The following CEP83 variants were observed in gnomAD, a reference collection of about 807,000 sequenced individuals.
CEP83 encodes centrosomal protein 83.
CEP83 carries 70 observed loss-of-function variants against 101.9 expected under a neutral mutation model. The ratio of observed to expected loss-of-function variants is 0.69; its 90% CI spans 0.57 to 0.84. CEP83 has a LOEUF of 0.84. CEP83 is among the 40% of genes least tolerant of loss of function. The pLI is 0.00. For synonymous variants in CEP83, 264 were observed against 267.9 expected, an observed-to-expected ratio of 0.99 and a Z score of 0.14; for missense variants, 715 against 787.2, an observed-to-expected ratio of 0.91 and a Z score of 1.10.
chr12:94,360,766 T>C (rs933145280), intron 11 of CEP83, among the ~76,000 whole-genome samples: 1 of 151,998 alleles, frequency 6.6e-6, no homozygotes, highest in Non-Finnish European at 1.5e-5. Context: ...AAAATTTGCA[T>C]GGAGTCACAA....
Position 94,456,264 on chromosome 12 carries a change from T to C in CEP83, c.-155+3293A>G, listed in dbSNP as rs576417728. Among the ~76,000 whole-genome samples the C allele has an allele frequency of 3.3e-5, 5 of 152,302 alleles. No individual in the cohort carries two copies. In the South Asian group the frequency reaches 1.0e-3, roughly 32 times the overall value. The stretch of plus-strand genomic sequence containing the variant: ...GGTATTGCCATGGGAAATTCTCAAA[T>C]ACTCACTTTCTAGGAACAGAATCTT... On this transcript the variant is annotated intron_variant, in intron 1 of 16. Coordinates refer to ENST00000397809, the MANE Select transcript of CEP83 (RefSeq NM_016122.3).
chr12:94,430,166 C>G (rs1380839898), intron 2 of CEP83, among the ~76,000 whole-genome samples: 1 of 152,072 alleles, frequency 6.6e-6, no homozygotes, highest in Admixed American at 6.5e-5. Context: ...AAGGACTCTT[C>G]CCAGGAACCT....
At chr12:94,365,815 A>G (rs2176899) in intron 11 of CEP83, among the ~76,000 whole-genome samples, 1 of 151,612 alleles carries the variant, frequency 6.6e-6, no homozygotes, top group South Asian at 2.1e-4. Flanking sequence ...TTAAATGAAC[A>G]TAGGAGACTA....
chr12:94,283,580 G>C, the CEP83 span, among the ~76,000 whole-genome samples: 1 of 152,214 alleles, frequency 6.6e-6, no homozygotes, highest in African/African-American at 2.4e-5. Flanking sequence ...ACTCAAATCA[G>C]TCTCCCTGAG....
At position 94,426,014 on chromosome 12, in the gene CEP83, C is replaced by T. The variant is rs1242182196; in HGVS notation, c.-102+9261G>A. ...ACAGGCGCCTGTAGTCCCAGCTACTCGGGAGGCTGAGGCAGGAGAATGGTG... is the reference window on the plus strand; with the variant it reads ...ACAGGCGCCTGTAGTCCCAGCTACTTGGGAGGCTGAGGCAGGAGAATGGTG... On this transcript the variant is annotated intron_variant, in intron 2 of 16. Coordinates refer to ENST00000397809, the MANE Select transcript of CEP83 (RefSeq NM_016122.3). Among the ~76,000 whole-genome samples, 11 of 151,662 alleles carry T rather than the reference C, an allele frequency of 7.3e-5. 1 individual carries two copies. Among genetic ancestry groups the T allele is most frequent in the African/African-American group, 2.4e-4 (10 of 41,300 alleles).
intron 1 of CEP83, among the ~76,000 whole-genome samples, chr12:94,450,193 T>C (rs1434731803): frequency 2.0e-5 from 3 of 152,118 alleles, no homozygotes; most frequent in Admixed American, 6.5e-5. Context: ...AACATTGAGA[T>C]TGGAAAGAAA....
the CEP83 span, chr12:94,281,918 C>T: frequency 9.5e-6 from 2 of 210,812 alleles, no homozygotes; most frequent in East Asian, 1.3e-4. Context: ...CCCCCTCCAC[C>T]CCGAACAGGA....
At chr12:94,268,785 G>A in the CEP83 span, among the ~76,000 whole-genome samples, 1 of 151,770 alleles carries the variant, frequency 6.6e-6, no homozygotes, top group Non-Finnish European at 1.5e-5. Context: ...AGTAGAAACG[G>A]GTTTTCGCCG....
chr12:94,389,563 G>A (rs1794666561), intron 6 of CEP83, among the ~76,000 whole-genome samples: 1 of 152,222 alleles, frequency 6.6e-6, no homozygotes, highest in African/African-American at 2.4e-5. Flanking sequence ...GGACGCAGAA[G>A]ATGGGTGATT....
At chr12:94,348,662 C>T (rs1332524568) in intron 11 of CEP83, among the ~76,000 whole-genome samples, 2 of 152,044 alleles carry the variant, frequency 1.3e-5, no homozygotes, top group Admixed American at 6.6e-5. Flanking sequence ...GGTCTGCTGC[C>T]GGTCTGATCT....
chr12:94,439,557 A>C (rs942896611), intron 1 of CEP83, among the ~76,000 whole-genome samples: 61 of 134,334 alleles, frequency 4.5e-4, no homozygotes, highest in Admixed American at 1.4e-3. Context: ...AAATGCCAAC[A>C]AAAAAAAAAA....
At chr12:94,292,484 A>T in the CEP83 span, among the ~76,000 whole-genome samples, 1 of 152,244 alleles carries the variant, frequency 6.6e-6, no homozygotes, top group African/African-American at 2.4e-5. Context: ...ATTAAAAAGT[A>T]TATGCAAATT....
the CEP83 span, among the ~76,000 whole-genome samples, chr12:94,265,751 T>C: frequency 2.6e-5 from 4 of 152,198 alleles, no homozygotes; most frequent in Non-Finnish European, 5.9e-5. Flanking sequence ...CTCATAGATA[T>C]TTTTAGAGGA....
chr12:94,395,785 C>T (rs968731611), intron 6 of CEP83, among the ~76,000 whole-genome samples: 4 of 152,120 alleles, frequency 2.6e-5, no homozygotes, highest in South Asian at 2.1e-4. Context: ...GGCGCCGCTG[C>T]GCTCCAGCCT....
the CEP83 span, chr12:94,279,739 AC>A: frequency 1.1e-6 from 1 of 895,406 alleles, no homozygotes; most frequent in Non-Finnish European, 1.6e-6. Flanking sequence ...CCCTGCCCCC[AC>A]CAGCTTCCAT....
chr12:94,276,976 T>C, the CEP83 span: 1 of 152,254 alleles, frequency 6.6e-6, no homozygotes, highest in Admixed American at 6.5e-5. Flanking sequence ...AATCATTTGG[T>C]TGAGACCAGA....
At chr12:94,451,405 T>TA (rs1227570293) in intron 1 of CEP83, among the ~76,000 whole-genome samples, 1 of 147,192 alleles carries the variant, frequency 6.8e-6, no homozygotes, top group Admixed American at 6.9e-5. Context: ...TTATCTCTGA[T>TA]ATTAAAAACA....
chr12:94,294,867 G>A, the CEP83 span, among the ~76,000 whole-genome samples: 2 of 152,128 alleles, frequency 1.3e-5, no homozygotes, highest in East Asian at 3.8e-4. Context: ...AGATCCCCCT[G>A]GCAAACTGAG....
rs190187284 is a variant in CEP83, at chr12:94,313,449, G to A, written c.1708-432C>T. On this transcript the variant is annotated intron_variant, in intron 14 of 16. Transcript: ENST00000397809. ...CTTTGGGAGGCTGAGGCAGGAGGATGGATTAAGCCTAGGAGTTCAAGGCTA... is the reference window on the plus strand; with the variant it reads ...CTTTGGGAGGCTGAGGCAGGAGGATAGATTAAGCCTAGGAGTTCAAGGCTA... Among the ~76,000 whole-genome samples, 10 of 148,040 alleles carry A rather than the reference G, an allele frequency of 6.8e-5. No homozygotes were observed. In the East Asian group the frequency reaches 2.0e-3, roughly 30 times the overall value.
Sources: gnomAD v4.1 joint callset for allele counts (sites outside exome capture counted in the v4.1 genomes callset) on GRCh38, gnomAD v4.1.1 for gene constraint, MANE v1.5 for transcripts, NCBI Gene and HGNC (gene_info 2026-07-23, HGNC 2026-07-21) for gene names.